The following CDH13 variants were observed in gnomAD, a reference collection of about 807,000 sequenced individuals.
CDH13 encodes cadherin-13.
A neutral mutation model predicts 63.8 loss-of-function variants in CDH13; 24 were observed. The ratio of observed to expected loss-of-function variants is 0.38; its 90% confidence interval spans 0.27 to 0.53. The LOEUF is 0.53. CDH13 is among the 20% of genes least tolerant of loss of function. The pLI is 0.85. For missense variants in CDH13, 1,049 were observed against 903.1 expected, an observed-to-expected ratio of 1.16 and a Z score of -2.07; for synonymous variants, 503 against 355.3, an observed-to-expected ratio of 1.42 and a Z score of -4.67.
chr16:83,069,901 G>C (rs2032308471), intron 3 of CDH13, among the ~76,000 whole-genome samples: 2 of 152,162 alleles, frequency 1.3e-5, no homozygotes, highest in Non-Finnish European at 2.9e-5. Flanking sequence ...GCTCTCTCTA[G>C]AAATGCAGAC....
At chr16:83,296,800 A>T (rs1451248847) in intron 5 of CDH13, among the ~76,000 whole-genome samples, 1 of 152,236 alleles carries the variant, frequency 6.6e-6, no homozygotes, top group African/African-American at 2.4e-5. Flanking sequence ...ATGTACACCC[A>T]ATAACACGGG....
intron 6 of CDH13, among the ~76,000 whole-genome samples, chr16:83,373,245 G>A (rs2091404243): frequency 1.3e-5 from 2 of 152,156 alleles, no homozygotes; most frequent in South Asian, 2.1e-4. Context: ...TTTTAAAAGG[G>A]CCTAGTTACA....
intron 1 of CDH13, among the ~76,000 whole-genome samples, chr16:82,802,858 G>A (rs1335872807): frequency 1.3e-5 from 2 of 152,138 alleles, no homozygotes; most frequent in Non-Finnish European, 2.9e-5. Flanking sequence ...CAGTCACAAA[G>A]GACTCTCTGC....
intron 6 of CDH13, among the ~76,000 whole-genome samples, chr16:83,485,877 G>A (rs370691065): frequency 1.7e-4 from 26 of 152,248 alleles, no homozygotes; most frequent in African/African-American, 6.3e-4. Context: ...ATGGCTAGAT[G>A]GAATCTTGTA....
intron 2 of CDH13, among the ~76,000 whole-genome samples, chr16:83,012,640 A>AAGTATGGGAAACAGACCTTGAAG (rs1430914703): frequency 6.6e-6 from 1 of 152,124 alleles, no homozygotes; most frequent in Non-Finnish European, 1.5e-5. Context: ...CTTGAAGACA[A>AAGTATGGGAAACAGACCTTGAAG]ACAGTTTTGC....
intron 1 of CDH13, chr16:82,637,788 C>G (rs1016206959): frequency 6.6e-6 from 1 of 152,120 alleles, no homozygotes; most frequent in East Asian, 1.9e-4. Flanking sequence ...GGAACTGACC[C>G]AAGATCACAG....
intron 5 of CDH13, among the ~76,000 whole-genome samples, chr16:83,286,269 A>G (rs1465498352): frequency 6.6e-6 from 1 of 152,176 alleles, no homozygotes; most frequent in Non-Finnish European, 1.5e-5. Flanking sequence ...AGTTGCATCC[A>G]TATTACAGCT....
At chr16:82,649,883 C>T (rs1237200496) in intron 1 of CDH13, among the ~76,000 whole-genome samples, 1 of 152,176 alleles carries the variant, frequency 6.6e-6, no homozygotes, top group Non-Finnish European at 1.5e-5. Flanking sequence ...GAGTAATAAG[C>T]TCTATATCCT....
intron 6 of CDH13, among the ~76,000 whole-genome samples, chr16:83,430,968 TC>T (rs1340246911): frequency 2.2e-5 from 1 of 44,758 alleles, no homozygotes; most frequent in African/African-American, 8.4e-5. Context: ...CCCTCCCCCC[TC>T]CCCCCACCTC....
chr16:82,640,480 A>T (rs1909261929), intron 1 of CDH13, among the ~76,000 whole-genome samples: 1 of 152,024 alleles, frequency 6.6e-6, no homozygotes. Flanking sequence ...TTCTCTTGAA[A>T]CTGTTCAATT....
chr16:83,115,253 C>G (rs1597363497), intron 3 of CDH13, among the ~76,000 whole-genome samples: 2 of 152,172 alleles, frequency 1.3e-5, no homozygotes, highest in Admixed American at 6.5e-5. Flanking sequence ...CTTTTAACTT[C>G]AGGAAAACAG....
chr16:82,704,495 T>C (rs2031318261), intron 1 of CDH13, among the ~76,000 whole-genome samples: 1 of 152,172 alleles, frequency 6.6e-6, no homozygotes, highest in East Asian at 1.9e-4. Flanking sequence ...CATTCTTTAC[T>C]CCTCCACATC....
In CDH13 at chr16:82,993,191, C is replaced by T. The variant is rs558799589; in HGVS notation, c.158-38819C>T. Reference sequence around the variant, plus strand: ...GTTTCCTTCTGCTAACATTTTATGACTATTCTTTGTGGGTTAATTTCACAT... The same window carrying T: ...GTTTCCTTCTGCTAACATTTTATGATTATTCTTTGTGGGTTAATTTCACAT... On this transcript the variant is annotated intron_variant, in intron 2 of 13. Coordinates refer to ENST00000567109, the MANE Select transcript of CDH13 (RefSeq NM_001257.5). 3.9e-5 allele frequency among the ~76,000 whole-genome samples: 6 copies of T among 152,278 alleles called. No homozygotes were observed. In the South Asian group the frequency reaches 6.2e-4, roughly 16 times the overall value.
intron 10 of CDH13, among the ~76,000 whole-genome samples, chr16:83,684,226 G>A (rs531915708): frequency 7.4e-4 from 112 of 152,254 alleles, no homozygotes; most frequent in Non-Finnish European, 1.3e-3. Context: ...AATTAGCTGG[G>A]CATGGTGGTG....
chr16:83,536,142 T>C (rs138233578), intron 7 of CDH13, among the ~76,000 whole-genome samples: 1 of 152,268 alleles, frequency 6.6e-6, no homozygotes, highest in East Asian at 1.9e-4. Flanking sequence ...CTTTCCGTAA[T>C]ATCCACTGAG....
intron 6 of CDH13, among the ~76,000 whole-genome samples, chr16:83,365,009 C>T (rs542234672): frequency 2.6e-5 from 4 of 152,150 alleles, no homozygotes; most frequent in Non-Finnish European, 5.9e-5. Context: ...CAGCAAACCA[C>T]CATGGCACAG....
At chr16:83,397,406 A>G (rs1280772687) in intron 6 of CDH13, 1 of 152,228 alleles carries the variant, frequency 6.6e-6, no homozygotes, top group East Asian at 1.9e-4. Flanking sequence ...TTGAGAAAAT[A>G]CTAGAAAGTG....
At chr16:83,314,387 C>G (rs950341855) in intron 5 of CDH13, among the ~76,000 whole-genome samples, 6 of 152,008 alleles carry the variant, frequency 3.9e-5, no homozygotes, top group African/African-American at 1.2e-4. Context: ...CAAGACTAAT[C>G]ATTAATAAGA....
At chr16:83,073,669 C>T (rs2032616067) in intron 3 of CDH13, among the ~76,000 whole-genome samples, 1 of 151,902 alleles carries the variant, frequency 6.6e-6, no homozygotes, top group Non-Finnish European at 1.5e-5. Flanking sequence ...ATGTGGCCTG[C>T]TTAGTCAGTT....
Sources: gnomAD v4.1 joint callset for allele counts (sites outside exome capture counted in the v4.1 genomes callset) on GRCh38, gnomAD v4.1.1 for gene constraint, MANE v1.5 for transcripts, NCBI Gene and HGNC (gene_info 2026-07-23, HGNC 2026-07-21) for gene names.